The following CFAP96 variants were observed in gnomAD, a reference collection of about 807,000 sequenced individuals.
CFAP96 encodes the protein cilia and flagella associated protein 96, also known as cilia-and flagella-associated protein 96.
chr4:185,410,161 A>G, the CFAP96 span, among the ~76,000 whole-genome samples: 1 of 152,194 alleles, frequency 6.6e-6, no homozygotes. Context: ...AGAAAAAAAA[A>G]GCAAAAAAGA....
chr4:185,417,049 G>A, the CFAP96 span, among the ~76,000 whole-genome samples: 1 of 152,184 alleles, frequency 6.6e-6, no homozygotes, highest in Admixed American at 6.5e-5. Context: ...GGAAAAAATA[G>A]TACCTTTACC....
chr4:185,419,469 C>T, the CFAP96 span, among the ~76,000 whole-genome samples: 1 of 152,206 alleles, frequency 6.6e-6, no homozygotes, highest in Non-Finnish European at 1.5e-5. Flanking sequence ...TACCCCATGG[C>T]CTGGTGGGGG....
chr4:185,440,556 AC>A, the CFAP96 span: 1 of 1,520,004 alleles, frequency 6.6e-7, no homozygotes, highest in Non-Finnish European at 8.8e-7. Flanking sequence ...AATGAAGAGC[AC>A]CATCGTTTAC....
the CFAP96 span, chr4:185,422,358 T>C: frequency 1.4e-6 from 1 of 721,300 alleles, no homozygotes; most frequent in Non-Finnish European, 2.3e-6. Flanking sequence ...TCCCATTTAA[T>C]GTACTTACTA....
At chr4:185,445,226 T>C in the CFAP96 span, 1 of 1,159,242 alleles carries the variant, frequency 8.6e-7, no homozygotes, top group Non-Finnish European at 1.2e-6. Flanking sequence ...TATATACTTT[T>C]TTAAATGACA....
the CFAP96 span, among the ~76,000 whole-genome samples, chr4:185,410,268 A>C: frequency 2.6e-5 from 4 of 152,236 alleles, no homozygotes; most frequent in Non-Finnish European, 4.4e-5. Context: ...AATACTTAGA[A>C]GTGAACAAAA....
chr4:185,429,736 T>G, the CFAP96 span, among the ~76,000 whole-genome samples: 35 of 152,294 alleles, frequency 2.3e-4, no homozygotes, highest in South Asian at 6.4e-3. Context: ...GTGGCCTGAT[T>G]ATAGCTCACT....
At chr4:185,409,378 T>C in the CFAP96 span, among the ~76,000 whole-genome samples, 2 of 152,152 alleles carry the variant, frequency 1.3e-5, no homozygotes, top group African/African-American at 4.8e-5. Flanking sequence ...TTTTTTGAGA[T>C]TGGGTCACAC....
At chr4:185,420,364 G>A in the CFAP96 span, among the ~76,000 whole-genome samples, 1 of 152,018 alleles carries the variant, frequency 6.6e-6, no homozygotes, top group Non-Finnish European at 1.5e-5. Flanking sequence ...CGTTTCCAAA[G>A]TCAAAACAAT....
the CFAP96 span, among the ~76,000 whole-genome samples, chr4:185,448,083 T>C: frequency 6.6e-6 from 1 of 151,802 alleles, no homozygotes; most frequent in Middle Eastern, 3.4e-3. Context: ...TGCAAAGGTG[T>C]GATCTCGGCT....
the CFAP96 span, among the ~76,000 whole-genome samples, chr4:185,436,642 G>A: frequency 5.9e-5 from 9 of 151,706 alleles, no homozygotes; most frequent in Non-Finnish European, 1.3e-4. Context: ...CCCAGGATAC[G>A]GAGGTTGCAG....
the CFAP96 span, among the ~76,000 whole-genome samples, chr4:185,433,641 C>T: frequency 6.6e-6 from 1 of 152,158 alleles, no homozygotes; most frequent in Non-Finnish European, 1.5e-5. Context: ...GTGGCTCACA[C>T]CTGTAATCCC....
At chr4:185,419,833 T>C in the CFAP96 span, among the ~76,000 whole-genome samples, 7 of 152,344 alleles carry the variant, frequency 4.6e-5, no homozygotes, top group East Asian at 1.2e-3. Flanking sequence ...GCACATTTGT[T>C]TCCACTTTTT....
At chr4:185,413,718 A>G in the CFAP96 span, 2 of 1,600,764 alleles carry the variant, frequency 1.2e-6, no homozygotes, top group Admixed American at 1.8e-5. Context: ...ATAATTAGTT[A>G]AACTCACCAT....
chr4:185,447,471 C>T, the CFAP96 span, among the ~76,000 whole-genome samples: 57 of 152,324 alleles, frequency 3.7e-4, no homozygotes, highest in African/African-American at 1.3e-3. Flanking sequence ...TGATCCACCA[C>T]GCCCGGCCGA....
the CFAP96 span, among the ~76,000 whole-genome samples, chr4:185,420,730 A>G: frequency 1.3e-5 from 2 of 152,224 alleles, no homozygotes; most frequent in African/African-American, 2.4e-5. Flanking sequence ...AAAACTGTGA[A>G]GCCTTTAAAG....
chr4:185,429,543 T>C, the CFAP96 span: 1 of 1,148,866 alleles, frequency 8.7e-7, no homozygotes. Context: ...TATGGACGAA[T>C]AGTGGGTATT....
chr4:185,446,467 T>C, the CFAP96 span, among the ~76,000 whole-genome samples: 21 of 152,180 alleles, frequency 1.4e-4, no homozygotes, highest in Non-Finnish European at 2.5e-4. Context: ...AATGGCCTTT[T>C]TTCACTTTAT....
the CFAP96 span, chr4:185,445,432 T>A: frequency 9.3e-7 from 1 of 1,076,450 alleles, no homozygotes; most frequent in Non-Finnish European, 1.4e-6. Flanking sequence ...TAGATATGCA[T>A]AGTTCAGTTA....
Sources: gnomAD v4.1 joint callset for allele counts (sites outside exome capture counted in the v4.1 genomes callset) on GRCh38, gnomAD v4.1.1 for gene constraint, MANE v1.5 for transcripts, NCBI Gene and HGNC (gene_info 2026-07-23, HGNC 2026-07-21) for gene names.